LPCAT1: variants seen among roughly 807,000 people sequenced by gnomAD.
LPCAT1 encodes the protein 1-acylglycerol-3-phosphate O-acyltransferase.
LPCAT1 carries 23 observed loss-of-function variants against 60.9 expected under a neutral mutation model. That is an observed-to-expected ratio of 0.38 (90% CI 0.27 to 0.53). The LOEUF is 0.53. Among genes scored for constraint, LPCAT1 ranks in the 20% least tolerant of loss-of-function variants. The pLI is 0.82. For missense variants in LPCAT1, 622 were observed against 723.6 expected, an observed-to-expected ratio of 0.86 and a Z score of 1.61; for synonymous variants, 340 against 301.1, an observed-to-expected ratio of 1.13 and a Z score of -1.34.
chr5:1,479,502 G>T, intron 8 of LPCAT1, 119 bp downstream of exon 8: 1 of 765,662 alleles, frequency 1.3e-6, no homozygotes, highest in Non-Finnish European at 2.3e-6. Context: ...ACGGAAAGAT[G>T]GGAAAGCAAG....
chr5:1,483,739 C>T lies in LPCAT1; in HGVS notation c.668-253G>A, dbSNP rs1384888394. Among the ~76,000 whole-genome samples, 1 of 151,612 alleles carries T rather than the reference C, an allele frequency of 6.6e-6. No individual in the cohort carries two copies. On this transcript the variant is annotated intron_variant, in intron 5 of 13. Coordinates refer to ENST00000283415, the MANE Select transcript of LPCAT1 (RefSeq NM_024830.5). This position sits in a 1 kb window ranked among gnomAD's most constrained non-coding sequence, Gnocchi z 9.2. Reference sequence around the variant, plus strand: ...GAACACTTTCTGTTTTAACATCGCGCACGAGCTGGAAGGCGTCTGTGGAGG... The same window carrying T: ...GAACACTTTCTGTTTTAACATCGCGTACGAGCTGGAAGGCGTCTGTGGAGG...
chr5:1,474,056 C>G lies in LPCAT1; in HGVS notation c.1080G>C (p.Arg360Ser). The G allele has an allele frequency of 6.2e-7, 1 of 1,614,224 alleles. No homozygotes were observed. The highest frequency in any genetic ancestry group is 8.5e-7 in the Non-Finnish European group (1 of 1,180,046). Residue 360 changes from arginine (R) to serine (S), a missense_variant, in exon 11 of 14, where the codon AGG (arginine) becomes AGC (serine). Coordinates refer to ENST00000283415, the MANE Select transcript of LPCAT1 (RefSeq NM_024830.5). The stretch of plus-strand genomic sequence containing the variant: ...TACCTATCTTCTCTCCTCCCTTCAT[C>G]CTGGCTCTTTCTGAGTATCTGTCCA... Reference protein sequence around the residue: ...KDLDRYSERARMKGGEKIGIA... With the variant: ...KDLDRYSERASMKGGEKIGIA...
chr5:1,485,509 A>G (rs1735337150), intron 5 of LPCAT1, among the ~76,000 whole-genome samples: 1 of 152,192 alleles, frequency 6.6e-6, no homozygotes, highest in Non-Finnish European at 1.5e-5. Flanking sequence ...ATATTCACAC[A>G]TAGCTTGTGC....
Position 1,474,578 on chromosome 5 carries a change from C to T in LPCAT1, c.1007G>A (p.Arg336Lys). ...TACTCACCCGAGGCCCCGCACGAGC[C>T]TGGCAAATTCTAAAAGGCAAGTGTC... ...PADTCLLEFA[R>K]LVRGLGLKPE... Residue 336 changes from arginine (R) to lysine (K), a missense_variant, in exon 10 of 14, where the codon AGG (arginine) becomes AAG (lysine). Coordinates refer to ENST00000283415, the MANE Select transcript of LPCAT1 (RefSeq NM_024830.5). 6.2e-7 allele frequency: 1 copy of T among 1,614,042 alleles called. No homozygotes were observed. Among genetic ancestry groups the T allele is most frequent in the Non-Finnish European group, 8.5e-7 (1 of 1,180,022 alleles).
intron 3 of LPCAT1, among the ~76,000 whole-genome samples, chr5:1,492,768 A>G (rs894396743): frequency 4.0e-5 from 6 of 151,406 alleles, no homozygotes; most frequent in African/African-American, 1.5e-4. Context: ...CGCACCAAAC[A>G]CTCCTTCGTG....
intron 3 of LPCAT1, among the ~76,000 whole-genome samples, chr5:1,492,700 C>G (rs1325908596): frequency 6.6e-6 from 1 of 152,210 alleles, no homozygotes; most frequent in African/African-American, 2.4e-5. Flanking sequence ...CTGGGTTGAT[C>G]TGGAAGAGGT....
At chr5:1,473,694 G>T (rs1335832671) in intron 11 of LPCAT1, among the ~76,000 whole-genome samples, 2 of 152,176 alleles carry the variant, frequency 1.3e-5, no homozygotes, top group East Asian at 1.9e-4. Context: ...GTTTGATATT[G>T]TTAGACTCCG....
At chr5:1,488,038 T>A (rs1283033567) in intron 5 of LPCAT1, among the ~76,000 whole-genome samples, 1 of 152,004 alleles carries the variant, frequency 6.6e-6, no homozygotes, top group Non-Finnish European at 1.5e-5. Flanking sequence ...CAGGCGGGTG[T>A]GGGGCGTGAG....
chr5:1,490,006 C>G, intron 3 of LPCAT1, 148 bp from the exon 4 acceptor site: 2 of 670,300 alleles, frequency 3.0e-6, no homozygotes, highest in Non-Finnish European at 5.4e-6. Context: ...CTGTGAGTCC[C>G]TGACTGAGGG....
chr5:1,469,729 C>T (rs754435608), intron 12 of LPCAT1, among the ~76,000 whole-genome samples: 41 of 151,868 alleles, frequency 2.7e-4, no homozygotes, highest in Non-Finnish European at 5.4e-4. Context: ...TGCAGTGAGC[C>T]AAGATTGCAC....
intron 13 of LPCAT1, among the ~76,000 whole-genome samples, chr5:1,465,837 C>T (rs368213146): frequency 2.5e-4 from 38 of 152,140 alleles, no homozygotes; most frequent in East Asian, 2.3e-3. Flanking sequence ...CGTATGCACA[C>T]GCACGGTAAC....
chr5:1,464,128 G>A (rs1241203422), intron 13 of LPCAT1, among the ~76,000 whole-genome samples: 1 of 152,202 alleles, frequency 6.6e-6, no homozygotes, highest in Admixed American at 6.5e-5. Flanking sequence ...ATATATCCCG[G>A]GGACTTAGCA....
At chr5:1,500,086 C>T (rs183690203) in intron 2 of LPCAT1, among the ~76,000 whole-genome samples, 138 of 152,350 alleles carry the variant, frequency 9.1e-4, no homozygotes, top group Non-Finnish European at 1.6e-3. Flanking sequence ...CGCAGGCCAG[C>T]GGGCGTGCCC....
intron 5 of LPCAT1, among the ~76,000 whole-genome samples, chr5:1,486,778 C>T (rs1444257128): frequency 1.3e-5 from 2 of 152,304 alleles, no homozygotes; most frequent in East Asian, 1.9e-4. Flanking sequence ...ACACGTGACT[C>T]GAGGCAGCCG....
intron 13 of LPCAT1, 38 bp from the exon 14 acceptor site, chr5:1,463,873 A>G: frequency 6.2e-7 from 1 of 1,604,352 alleles, no homozygotes; most frequent in South Asian, 1.1e-5. Context: ...TGGAATGGGG[A>G]CGAGCAAATG....
rs115743363 is a variant in LPCAT1 at position 1,512,848 on chromosome 5, T to C, written c.135+10862A>G. 8.5e-3 allele frequency among the ~76,000 whole-genome samples: 1,297 copies of C among 152,362 alleles called. 18 individuals carry two copies. Among genetic ancestry groups the C allele is most frequent in the African/African-American group, 0.03 (1,250 of 41,582 alleles). On this transcript the variant is annotated intron_variant, in intron 1 of 13. Coordinates refer to ENST00000283415, the MANE Select transcript of LPCAT1 (RefSeq NM_024830.5). ...ATTCTGCAGACAATTCCTGAGCACCTGCAATGTGCACTCTGGACAAATGGT... is the reference window on the plus strand; with the variant it reads ...ATTCTGCAGACAATTCCTGAGCACCCGCAATGTGCACTCTGGACAAATGGT...
rs916671159 is a variant in LPCAT1, at chr5:1,502,287, G to A, written c.136-684C>T. On this transcript the variant is annotated intron_variant, in intron 1 of 13. Coordinates refer to ENST00000283415, the MANE Select transcript of LPCAT1 (RefSeq NM_024830.5). This position sits in a 1 kb window ranked among gnomAD's most constrained non-coding sequence, Gnocchi z 5.5. ...CCCCCCAGGACACACCCCCAGCCCC[G>A]CAGGCCTCACTCAGCAGTTTCCCCT... Among the ~76,000 whole-genome samples the A allele has an allele frequency of 2.0e-5, 3 of 152,156 alleles. No homozygotes were observed. Among genetic ancestry groups the A allele is most frequent in the East Asian group, 3.9e-4 (2 of 5,180 alleles).
intron 2 of LPCAT1, among the ~76,000 whole-genome samples, chr5:1,498,778 C>T (rs1464438036): frequency 6.6e-6 from 1 of 152,146 alleles, no homozygotes. Context: ...CACACAGGTA[C>T]ACAGCACACA....
intron 13 of LPCAT1, among the ~76,000 whole-genome samples, chr5:1,465,698 GCA>G (rs550627850): frequency 1.1e-3 from 170 of 151,974 alleles, no homozygotes; most frequent in African/African-American, 3.2e-3. Context: ...GCACATGCAC[GCA>G]CACACACAAC....
Sources: gnomAD v4.1 joint callset for allele counts (sites outside exome capture counted in the v4.1 genomes callset) on GRCh38, gnomAD v4.1.1 for gene constraint, Gnocchi (gnomAD v3.1) non-coding constraint, MANE v1.5 for transcripts, NCBI Gene and HGNC (gene_info 2026-07-23, HGNC 2026-07-21) for gene names.